The following ABCC5 variants were observed in gnomAD, a reference collection of about 807,000 sequenced individuals.
ABCC5 encodes ATP-binding cassette sub-family C member 5.
A neutral mutation model predicts 160.9 loss-of-function variants in ABCC5; 61 were observed. The observed-to-expected ratio is 0.38, with a 90% CI of 0.31 to 0.47. The LOEUF (loss-of-function observed/expected upper bound fraction) is 0.47, where lower values mean the gene tolerates loss of function less well. Among genes scored for constraint, ABCC5 ranks in the 20% least tolerant of loss-of-function variants. The pLI is 0.99. For synonymous variants in ABCC5, 666 were observed against 700.6 expected (o/e 0.95, Z 0.78); for missense variants, 1,308 against 1,813.3 (o/e 0.72, Z 5.06).
At chr3:183,985,532 C>A in intron 5 of ABCC5, 1 of 767,606 alleles carries the variant, frequency 1.3e-6, no homozygotes. Flanking sequence ...CCCAAAAGGC[C>A]CTCGAGCAGA....
intron 17 of ABCC5, among the ~76,000 whole-genome samples, chr3:183,957,752 G>A (rs1227808584): frequency 4.6e-5 from 7 of 151,354 alleles, no homozygotes; most frequent in South Asian, 2.1e-4. Context: ...ATGCGGATCC[G>A]TGTGTATATC....
chr3:183,957,832 T>A (rs12633448), intron 17 of ABCC5, among the ~76,000 whole-genome samples: 6 of 113,992 alleles, frequency 5.3e-5, no homozygotes, highest in African/African-American at 1.0e-4. Flanking sequence ...ATATCACATC[T>A]GTTACATGCG....
Position 183,982,897 on chromosome 3 carries a change from C to G in ABCC5, c.702G>C (p.Trp234Cys). ...GLLLTEIVRS[W>C]SLALTWALNY... ...TCAATGCCCAAGTCAGTGCAAGCGA[C>G]CAAGACCGCACGATTTCCGTCAGGA... Residue 234 changes from tryptophan to cysteine, a missense_variant, in exon 6 of 30, where the codon TGG (tryptophan) becomes TGC (cysteine). Trp to Cys is a radical substitution (Grantham distance 215). Around this residue, in one of 3 missense-constraint regions of ABCC5, gnomAD observed 1,142 missense variants for 1,527.1 expected, o/e 0.75. Transcript: ENST00000334444. The surrounding 1 kb of genome is among the most constrained non-coding windows in gnomAD (Gnocchi z 5.2). 1 of 1,614,232 alleles carries G rather than the reference C, an allele frequency of 6.2e-7. No individual in the cohort carries two copies. The highest frequency in any genetic ancestry group is 8.5e-7 in the Non-Finnish European group (1 of 1,180,048).
chr3:183,965,061 C>T, intron 14 of ABCC5, 124 bp downstream of exon 14: 7 of 914,084 alleles, frequency 7.7e-6, no homozygotes, highest in Non-Finnish European at 1.2e-5. Flanking sequence ...AACACAAAGG[C>T]CTAATGACAG....
At position 183,989,343 on chromosome 3, in the gene ABCC5, T is replaced by G. The variant is rs1576908040; in HGVS notation, c.170A>C (p.Glu57Ala). Residue 57 changes from glutamate (E) to alanine (A), a missense_variant, in exon 3 of 30, where the codon GAG becomes GCG. Glu to Ala is a moderately radical substitution (Grantham distance 107). Around this residue, in one of 3 missense-constraint regions of ABCC5, gnomAD observed 1,142 missense variants for 1,527.1 expected, o/e 0.75. Transcript: ENST00000334444. ...QDALETAARA[E>A]GLSLDASMHS... is the part of the protein sequence containing the mutation. Reference sequence around the variant, plus strand: ...CATGGAGGCATCAAGAGAGAGGCCCTCGGCTCGGGCTGCTGTTTCCAAGGC... The same window carrying G: ...CATGGAGGCATCAAGAGAGAGGCCCGCGGCTCGGGCTGCTGTTTCCAAGGC... 2 of 1,613,974 alleles carry G rather than the reference T, an allele frequency of 1.2e-6. No individual in the cohort carries two copies. Among genetic ancestry groups the G allele is most frequent in the East Asian group, 4.5e-5 (2 of 44,858 alleles).
At chr3:183,979,029 G>A (rs1285236516) in intron 8 of ABCC5, among the ~76,000 whole-genome samples, 1 of 152,140 alleles carries the variant, frequency 6.6e-6, no homozygotes, top group Admixed American at 6.6e-5. Context: ...CAACACAATG[G>A]CACTGGAGAA....
intron 2 of ABCC5, among the ~76,000 whole-genome samples, chr3:183,996,684 A>G (rs1720313367): frequency 6.6e-6 from 1 of 152,164 alleles, no homozygotes; most frequent in African/African-American, 2.4e-5. Context: ...ACTCAGTGCA[A>G]TTTTATCCTA....
In ABCC5 at chr3:183,946,018, C is replaced by G; in HGVS notation, c.3415-79G>C. The stretch of plus-strand genomic sequence containing the variant: ...GCCAATGCTGGAGAACTTCCTTCAT[C>G]TAGAGGACTACTAAGAACTGAGCAC... On this transcript the variant is annotated intron_variant, in intron 23 of 29. Transcript: ENST00000334444. 3.9e-6 allele frequency: 5 copies of G among 1,293,244 alleles called. No individual in the cohort carries two copies. In the South Asian group the frequency reaches 5.9e-5, roughly 15 times the overall value. The allele number at this position is 1,293,244 out of a possible 1,614,324, so 80.1% of individuals were successfully genotyped here.
intron 29 of ABCC5, among the ~76,000 whole-genome samples, chr3:183,922,417 G>T (rs1712095901): frequency 6.6e-6 from 1 of 152,118 alleles, no homozygotes; most frequent in African/African-American, 2.4e-5. Context: ...TAAATAAACT[G>T]CAGGGGAGAG....
chr3:183,981,213 T>C (rs1373832050), intron 8 of ABCC5, among the ~76,000 whole-genome samples: 1 of 152,248 alleles, frequency 6.6e-6, no homozygotes. Context: ...GAGATCTTTC[T>C]GAATGCCCCA....
intron 25 of ABCC5, 69 bp from the exon 26 acceptor site, chr3:183,938,129 C>T: frequency 6.6e-7 from 1 of 1,510,848 alleles, no homozygotes; most frequent in South Asian, 1.2e-5. Flanking sequence ...CTGGTTTAGC[C>T]TCAGGGCAAT....
At chr3:183,961,324 C>A (rs969750823) in intron 16 of ABCC5, among the ~76,000 whole-genome samples, 187 bp downstream of exon 16, 7 of 152,174 alleles carry the variant, frequency 4.6e-5, no homozygotes, top group African/African-American at 1.7e-4. Context: ...ACCAGCCCCA[C>A]AATCCTGCTC....
intron 2 of ABCC5, chr3:184,000,828 T>G (rs1256885280): frequency 5.9e-6 from 1 of 169,006 alleles, no homozygotes; most frequent in African/African-American, 2.4e-5. Flanking sequence ...TCTAAATGCC[T>G]AATACAAAAT....
At chr3:183,997,210 T>A (rs1395936619) in intron 2 of ABCC5, among the ~76,000 whole-genome samples, 1 of 152,204 alleles carries the variant, frequency 6.6e-6, no homozygotes, top group Non-Finnish European at 1.5e-5. Flanking sequence ...CAGGCAGAAT[T>A]TTCCCACAGC....
chr3:183,945,712 G>T lies in ABCC5; in HGVS notation c.3504+138C>A, dbSNP rs1162825502. 3 of 721,220 alleles carry T rather than the reference G, an allele frequency of 4.2e-6. No individual in the cohort carries two copies. The East Asian group carries it at 7.6e-5, about 18-fold the overall frequency. 44.7% of individuals were successfully genotyped at this position (721,220 alleles called of 1,614,324 possible). ...TCTCTTTCCCATTCCAAGCACGGTT[G>T]AGAGATTGCTGGAGATTCTGTGGGA... On this transcript the variant is annotated intron_variant, in intron 24 of 29. Coordinates refer to ENST00000334444, the MANE Select transcript of ABCC5 (RefSeq NM_005688.4).
At chr3:183,980,714 G>GTTTTT (rs11364435) in intron 8 of ABCC5, among the ~76,000 whole-genome samples, 8 of 136,056 alleles carry the variant, frequency 5.9e-5, no homozygotes, top group Non-Finnish European at 6.2e-5. Context: ...ACACTGTTTT[G>GTTTTT]TTTTTTTTTT....
At chr3:184,014,140 T>A in intron 2 of ABCC5, 124 bp downstream of exon 2, 1 of 762,786 alleles carries the variant, frequency 1.3e-6, no homozygotes, top group Non-Finnish European at 2.1e-6. Flanking sequence ...CCCAAAGTGC[T>A]GGGTTTATAG....
intron 17 of ABCC5, among the ~76,000 whole-genome samples, chr3:183,957,972 A>G (rs867886027): frequency 3.9e-5 from 4 of 103,552 alleles, no homozygotes; most frequent in African/African-American, 1.4e-4. Flanking sequence ...TTACATGCGG[A>G]TCCGTGTGTA....
chr3:183,950,829 C>CT (rs1478650808), intron 20 of ABCC5, among the ~76,000 whole-genome samples: 2 of 152,154 alleles, frequency 1.3e-5, no homozygotes, highest in African/African-American at 4.8e-5. Context: ...ATGAAGGCAG[C>CT]TACAGTGCAG....
Sources: allele counts gnomAD v4.1 joint callset (sites outside exome capture counted in the v4.1 genomes callset), GRCh38; gene constraint gnomAD v4.1.1; regional missense constraint gnomAD v4.1.1; non-coding constraint Gnocchi (gnomAD v3.1); transcripts MANE v1.5; gene names NCBI Gene and HGNC (gene_info 2026-07-23, HGNC 2026-07-21).